The following DDX10 variants were observed in gnomAD, a reference collection of about 807,000 sequenced individuals.
DDX10 encodes the protein probable ATP-dependent RNA helicase DDX10.
Under a neutral mutation model 104.3 loss-of-function variants are expected in DDX10, and 74 were observed. The ratio of observed to expected loss-of-function variants is 0.71; its 90% CI spans 0.59 to 0.86. The LOEUF (loss-of-function observed/expected upper bound fraction) is 0.86, where lower values mean the gene tolerates loss of function less well. Ranked by LOEUF, DDX10 falls within the 40% of genes least tolerant of loss-of-function variation. DDX10 has a pLI of 0.00. For synonymous variants in DDX10, 351 were observed against 353.4 expected (o/e 0.99, Z 0.08); for missense variants, 952 against 1,040.0 (o/e 0.92, Z 1.16).
chr11:108,884,397 G>T (rs918816132), intron 16 of DDX10, among the ~76,000 whole-genome samples: 2 of 151,998 alleles, frequency 1.3e-5, no homozygotes, highest in East Asian at 3.9e-4. Flanking sequence ...TGGACCATCC[G>T]CACTCTGCCT....
chr11:108,893,593 G>A (rs1439511505), intron 16 of DDX10, among the ~76,000 whole-genome samples: 4 of 150,110 alleles, frequency 2.7e-5, no homozygotes, highest in Non-Finnish European at 5.9e-5. Context: ...TTTTTTGGAG[G>A]GAAAAAATTA....
chr11:108,802,167 C>G (rs946132847), intron 13 of DDX10, among the ~76,000 whole-genome samples: 2 of 151,932 alleles, frequency 1.3e-5, no homozygotes, highest in Non-Finnish European at 2.9e-5. Context: ...TGCATGGGAC[C>G]AGAAGTGCTT....
At chr11:108,928,672 C>T (rs1253208453) in intron 17 of DDX10, among the ~76,000 whole-genome samples, 1 of 152,158 alleles carries the variant, frequency 6.6e-6, no homozygotes, top group African/African-American at 2.4e-5. Context: ...ACCCAGCTTT[C>T]TTCATCAGTC....
At chr11:108,668,074 G>A (rs925085540) in intron 1 of DDX10, among the ~76,000 whole-genome samples, 5 of 152,204 alleles carry the variant, frequency 3.3e-5, no homozygotes, top group African/African-American at 9.7e-5. Flanking sequence ...TTCCCAGGTG[G>A]CTTTGCTCTG....
rs547686687 is a variant in DDX10, at chr11:108,878,201, G to A, written c.2304+25992G>A. Among the ~76,000 whole-genome samples, 89 of 152,004 alleles carry A rather than the reference G, an allele frequency of 5.9e-4. 1 individual carries two copies. Among genetic ancestry groups the A allele is most frequent in the Admixed American group, 1.6e-3 (24 of 15,290 alleles). Reference sequence around the variant, plus strand: ...GACTTTCCATTTCCAAATATGGAAAGGTTTTTAAAAAGAAAAGATAGATTG... The same window carrying A: ...GACTTTCCATTTCCAAATATGGAAAAGTTTTTAAAAAGAAAAGATAGATTG... On this transcript the variant is annotated intron_variant, in intron 16 of 17. Transcript: ENST00000322536.
intron 16 of DDX10, among the ~76,000 whole-genome samples, chr11:108,854,135 G>C (rs1002384536): frequency 6.6e-6 from 1 of 152,178 alleles, no homozygotes; most frequent in Admixed American, 6.5e-5. Context: ...GACTGACAGA[G>C]CCCAAGGAAT....
chr11:108,842,806 T>C (rs1862659139), intron 15 of DDX10, among the ~76,000 whole-genome samples: 1 of 152,206 alleles, frequency 6.6e-6, no homozygotes, highest in South Asian at 2.1e-4. Context: ...CAGCTTGCAA[T>C]CTACTTAGAG....
intron 9 of DDX10, among the ~76,000 whole-genome samples, chr11:108,694,074 G>T (rs1326106298): frequency 1.3e-5 from 2 of 152,222 alleles, no homozygotes; most frequent in Non-Finnish European, 1.5e-5. Flanking sequence ...GATTCACATT[G>T]TGGGCAGGAC....
chr11:108,712,974 T>G (rs1417788563), intron 10 of DDX10, among the ~76,000 whole-genome samples: 1 of 152,206 alleles, frequency 6.6e-6, no homozygotes, highest in Non-Finnish European at 1.5e-5. Flanking sequence ...CTCTCCACAC[T>G]TTAAATATTT....
intron 10 of DDX10, among the ~76,000 whole-genome samples, chr11:108,713,228 C>CT (rs1271372015): frequency 6.6e-6 from 1 of 152,100 alleles, no homozygotes; most frequent in Non-Finnish European, 1.5e-5. Context: ...GGTTTGGTGT[C>CT]TGACATGAGT....
chr11:108,859,711 A>G (rs891037268), intron 16 of DDX10, among the ~76,000 whole-genome samples: 1 of 152,170 alleles, frequency 6.6e-6, no homozygotes, highest in African/African-American at 2.4e-5. Flanking sequence ...AATTAACTGT[A>G]TTTGAATCAT....
At chr11:108,797,387 T>C (rs1861959186) in intron 13 of DDX10, among the ~76,000 whole-genome samples, 1 of 152,196 alleles carries the variant, frequency 6.6e-6, no homozygotes, top group Admixed American at 6.5e-5. Flanking sequence ...CAGCGCAAAA[T>C]GGAGTAAAAC....
intron 13 of DDX10, among the ~76,000 whole-genome samples, chr11:108,834,332 G>T (rs548125323): frequency 3.3e-5 from 5 of 151,994 alleles, no homozygotes; most frequent in Admixed American, 2.6e-4. Flanking sequence ...ATTTGAGTAA[G>T]TTGCCAATAT....
intron 13 of DDX10, among the ~76,000 whole-genome samples, chr11:108,810,280 A>G (rs1256195741): frequency 6.6e-6 from 1 of 152,196 alleles, no homozygotes; most frequent in Non-Finnish European, 1.5e-5. Context: ...TGTTAGCCTG[A>G]ACTCTGGGCC....
At chr11:108,739,073 A>G (rs1316104886) in intron 13 of DDX10, among the ~76,000 whole-genome samples, 1 of 152,170 alleles carries the variant, frequency 6.6e-6, no homozygotes, top group African/African-American at 2.4e-5. Context: ...CTGCCCCCCC[A>G]GGGAGACACT....
At chr11:108,740,104 T>C (rs1317506387) in intron 13 of DDX10, among the ~76,000 whole-genome samples, 1 of 151,974 alleles carries the variant, frequency 6.6e-6, no homozygotes, top group Non-Finnish European at 1.5e-5. Flanking sequence ...GCATAGTACC[T>C]GATAGGTAGT....
chr11:108,834,877 G>A lies in DDX10; in HGVS notation c.1966-3569G>A, dbSNP rs558496492. ...CGGGAGGTGGAGCTTGCAGTGAGCC[G>A]AGATCGCGCCACTGCACTCCAGCCT... On this transcript the variant is annotated intron_variant, in intron 13 of 17. Transcript: ENST00000322536. 4.4e-3 allele frequency among the ~76,000 whole-genome samples: 570 copies of A among 128,716 alleles called. 6 individuals are homozygous for A. Among genetic ancestry groups the A allele is most frequent in the African/African-American group, 0.016 (543 of 34,186 alleles). The allele number at this position is 128,716 out of a possible 152,430, so 84.4% of individuals were successfully genotyped here.
At chr11:108,761,831 G>A (rs1032600880) in intron 13 of DDX10, among the ~76,000 whole-genome samples, 5 of 152,052 alleles carry the variant, frequency 3.3e-5, no homozygotes, top group Non-Finnish European at 7.4e-5. Flanking sequence ...TTCCTGTAGT[G>A]TACATTATGT....
At chr11:108,855,917 G>A (rs1862862070) in intron 16 of DDX10, among the ~76,000 whole-genome samples, 1 of 152,102 alleles carries the variant, frequency 6.6e-6, no homozygotes, top group African/African-American at 2.4e-5. Flanking sequence ...TAAGGTGTGG[G>A]GAAAATATGT....
Sources: allele counts gnomAD v4.1 joint callset (sites outside exome capture counted in the v4.1 genomes callset), GRCh38; gene constraint gnomAD v4.1.1; transcripts MANE v1.5; gene names NCBI Gene and HGNC (gene_info 2026-07-23, HGNC 2026-07-21).